The following HTT variants were observed in gnomAD, a reference collection of about 807,000 sequenced individuals.
HTT encodes the protein huntington disease protein.
In HTT, 104 loss-of-function variants were observed where a neutral mutation model predicts 362.3. The observed-to-expected ratio is 0.29, with a 90% CI of 0.24 to 0.34. The LOEUF (loss-of-function observed/expected upper bound fraction) is 0.34. Ranked by LOEUF, HTT falls within the 10% of genes least tolerant of loss-of-function variation. The probability of loss-of-function intolerance (pLI) is 1.00; values close to 1 mark genes in which losing one functional copy is unlikely to be tolerated. For missense variants in HTT, 3,301 were observed against 3,928.6 expected (o/e 0.84, Z 4.27); for synonymous variants, 1,577 against 1,548.7 (o/e 1.02, Z -0.43).
chr4:3,114,838 T>C (rs1714940298), intron 6 of HTT, among the ~76,000 whole-genome samples: 1 of 152,246 alleles, frequency 6.6e-6, no homozygotes, highest in Admixed American at 6.5e-5. Flanking sequence ...TATGCGGTCA[T>C]GTCCAGTTAA....
chr4:3,197,638 C>T (rs748265680), intron 40 of HTT, among the ~76,000 whole-genome samples: 3 of 152,128 alleles, frequency 2.0e-5, no homozygotes, highest in Non-Finnish European at 4.4e-5. Flanking sequence ...CTCCTTATTA[C>T]AGCCCTGCGA....
intron 29 of HTT, among the ~76,000 whole-genome samples, chr4:3,161,730 G>T (rs1717458648): frequency 6.6e-6 from 1 of 152,178 alleles, no homozygotes; most frequent in Admixed American, 6.5e-5. Context: ...CTTTTGCGAA[G>T]TGTCTGTTCA....
intron 1 of HTT, among the ~76,000 whole-genome samples, chr4:3,083,586 CATATAT>C (rs796776728): frequency 8.4e-6 from 1 of 118,598 alleles, no homozygotes. Flanking sequence ...CACACACACA[CATATAT>C]ATGTATATAT....
Position 3,225,756 on chromosome 4 carries a change from C to A in HTT, c.7848+13C>A, listed in dbSNP as rs78971974. 12,447 of 1,606,380 alleles carry A rather than the reference C, an allele frequency of 7.7e-3. 216 individuals carry two copies. Among genetic ancestry groups the A allele is most frequent in the African/African-American group, 0.066 (4,946 of 74,882 alleles). ...CAAACTCGGCCAGGTCAGTCTCGCG[C>A]CCCCGCCGCCTGGCCTCTGTCCGTT... On this transcript the variant is annotated intron_variant, in intron 57 of 66. Transcript: ENST00000355072.
rs1720132941 is a variant in HTT, at chr4:3,211,028, A to G, written c.6415-901A>G. 2.0e-5 allele frequency among the ~76,000 whole-genome samples: 3 copies of G among 149,870 alleles called. No individual in the cohort carries two copies. The South Asian group carries it at 6.3e-4, about 32-fold the overall frequency. On this transcript the variant is annotated intron_variant, in intron 47 of 66. Transcript: ENST00000355072. ...TACGATTCTCCTGCCTCAGCCTCCC[A>G]AATAGCTGGTATTAACAGGCATGCA...
intron 39 of HTT, 84 bp from the exon 40 acceptor site, chr4:3,188,867 A>G: frequency 7.7e-7 from 1 of 1,296,454 alleles, no homozygotes; most frequent in Non-Finnish European, 1.1e-6. Flanking sequence ...CTTTATATTT[A>G]CCATATATCT....
intron 2 of HTT, among the ~76,000 whole-genome samples, chr4:3,094,568 G>A (rs1317209504): frequency 6.8e-6 from 1 of 147,846 alleles, no homozygotes; most frequent in Admixed American, 6.7e-5. Context: ...CGGACGGGGC[G>A]GGTGGCCGGG....
At chr4:3,133,004 A>G (rs1417902984) in intron 18 of HTT, 93 bp downstream of exon 18, 3 of 955,952 alleles carry the variant, frequency 3.1e-6, no homozygotes, top group Non-Finnish European at 5.1e-6. Flanking sequence ...AAATATTTCC[A>G]TGCACTCTAA....
At chr4:3,104,244 C>T (rs930614361) in intron 4 of HTT, among the ~76,000 whole-genome samples, 2 of 151,976 alleles carry the variant, frequency 1.3e-5, no homozygotes, top group Non-Finnish European at 2.9e-5. Flanking sequence ...GGTGATCCGC[C>T]CGCCTCGGCC....
Position 3,205,742 on chromosome 4 carries a change from A to G in HTT, c.5719-754A>G, listed in dbSNP as rs184732223. On this transcript the variant is annotated intron_variant, in intron 42 of 66. Transcript: ENST00000355072. ...AAAACCTGAAAAAAATCCTAAATTC[A>G]GAATACTTCTGATCCCAAACATTTC... is the stretch of plus-strand genomic sequence containing the variant. Among the ~76,000 whole-genome samples, 488 of 152,312 alleles carry G rather than the reference A, an allele frequency of 3.2e-3. 1 individual carries two copies. Among genetic ancestry groups the G allele is most frequent in the African/African-American group, 0.011 (474 of 41,562 alleles).
chr4:3,234,722 G>A (rs537676390), intron 61 of HTT, among the ~76,000 whole-genome samples: 1 of 152,312 alleles, frequency 6.6e-6, no homozygotes, highest in African/African-American at 2.4e-5. Flanking sequence ...AGGTGGAGGT[G>A]GGACCACGTG....
chr4:3,075,629 T>G (rs1712486882), intron 1 of HTT, among the ~76,000 whole-genome samples: 1 of 78,208 alleles, frequency 1.3e-5, no homozygotes, highest in South Asian at 5.4e-4. Flanking sequence ...TTAGGACGCC[T>G]CGGCGGGAGT....
At position 3,125,750 on chromosome 4, in the gene HTT, G is replaced by A. The variant is rs1020030692; in HGVS notation, c.1402+121G>A. The A allele has an allele frequency of 4.2e-6, 3 of 722,786 alleles. No individual in the cohort carries two copies. The African/African-American group carries it at 5.2e-5, about 13-fold the overall frequency. The allele number at this position is 722,786 out of a possible 1,614,324, so 44.8% of individuals were successfully genotyped here. A position where few individuals can be genotyped will look rare whatever the true frequency, so the allele number is the denominator to read the frequency against. ...CGACTGGGGGCAGCAGTGGAGCCAG[G>A]TTGCTTAAATGGGGCATATTCGGGC... is the stretch of plus-strand genomic sequence containing the variant. On this transcript the variant is annotated intron_variant, in intron 11 of 66. Coordinates refer to ENST00000355072, the MANE Select transcript of HTT (RefSeq NM_001388492.1).
rs754280710 is a variant in HTT, at chr4:3,130,321, T to C, written c.1884T>C (p.His628=). The C allele has an allele frequency of 6.3e-7, 1 of 1,586,446 alleles. No homozygotes were observed. Among genetic ancestry groups the C allele is most frequent in the South Asian group, 1.2e-5 (1 of 86,602 alleles). Residue 628 remains histidine, a synonymous_variant, in exon 14 of 67, where the codon CAT becomes CAC. Coordinates refer to ENST00000355072, the MANE Select transcript of HTT (RefSeq NM_001388492.1). ...RNSSMALQQA[H]LLKNMSHCRQ... ...TTTTTAAAGCCCTTCAACAGGCACA[T>C]TTATTGAAAAACATGAGTCACTGCA...
At chr4:3,237,954 G>A (rs576565034) in intron 64 of HTT, among the ~76,000 whole-genome samples, 1 of 152,344 alleles carries the variant, frequency 6.6e-6, no homozygotes, top group South Asian at 2.1e-4. Flanking sequence ...GGATGTTTGT[G>A]GAGCATTTGC....
At chr4:3,220,150 C>G (rs1180399275) in intron 52 of HTT, 32 bp from the exon 53 acceptor site, 1 of 1,613,384 alleles carries the variant, frequency 6.2e-7, no homozygotes, top group Non-Finnish European at 8.5e-7. Context: ...TGACTCAACT[C>G]GGATGATGTC....
At chr4:3,130,142 A>G (rs1299042436) in intron 13 of HTT, 95 bp downstream of exon 13, 18 of 1,340,802 alleles carry the variant, frequency 1.3e-5, no homozygotes, top group Non-Finnish European at 1.8e-5. Context: ...GTCCTTTGAT[A>G]CTGTTTTCTG....
intron 51 of HTT, among the ~76,000 whole-genome samples, chr4:3,217,039 AT>A (rs368237973): frequency 1.6e-3 from 236 of 152,046 alleles, no homozygotes; most frequent in African/African-American, 5.2e-3. Flanking sequence ...AAAAAAAAAA[AT>A]ATTAATAAAG....
chr4:3,127,625 G>T, intron 12 of HTT, 21 bp downstream of exon 12: 1 of 1,541,714 alleles, frequency 6.5e-7, no homozygotes, highest in South Asian at 1.1e-5. Flanking sequence ...AGAGGGGCCT[G>T]ACATCTTTTT....
Sources: gnomAD v4.1 joint callset for allele counts (sites outside exome capture counted in the v4.1 genomes callset) on GRCh38, gnomAD v4.1.1 for gene constraint, MANE v1.5 for transcripts, NCBI Gene and HGNC (gene_info 2026-07-23, HGNC 2026-07-21) for gene names.